FHAD1: variants seen among roughly 807,000 people sequenced by gnomAD.
FHAD1 encodes forkhead associated phosphopeptide binding domain 1.
A neutral mutation model predicts 191.3 loss-of-function variants in FHAD1; 146 were observed. That is an observed-to-expected ratio of 0.76 (90% confidence interval 0.67 to 0.88). The LOEUF (loss-of-function observed/expected upper bound fraction) is 0.88, where lower values mean the gene tolerates loss of function less well. Among genes scored for constraint, FHAD1 ranks in the 40% least tolerant of loss-of-function variants. FHAD1 has a pLI of 0.00. For synonymous variants in FHAD1, 616 were observed against 672.3 expected (o/e 0.92, Z 1.29); for missense variants, 1,635 against 1,785.8 (o/e 0.92, Z 1.52).
At chr1:15,280,132 A>C (rs1363358226) in intron 3 of FHAD1, among the ~76,000 whole-genome samples, 1 of 152,126 alleles carries the variant, frequency 6.6e-6, no homozygotes, top group Non-Finnish European at 1.5e-5. Context: ...TCCCATCTTC[A>C]TGGGACCGTT....
chr1:15,339,218 C>T (rs1302191452), intron 14 of FHAD1, among the ~76,000 whole-genome samples: 3 of 152,072 alleles, frequency 2.0e-5, no homozygotes, highest in East Asian at 1.9e-4. Context: ...GGTTTTATCA[C>T]GCTGGCCAGC....
At chr1:15,264,697 T>G (rs1384369225) in intron 2 of FHAD1, among the ~76,000 whole-genome samples, 3 of 152,182 alleles carry the variant, frequency 2.0e-5, no homozygotes, top group Non-Finnish European at 2.9e-5. Flanking sequence ...TGACTAGGAC[T>G]TCCAGTACTA....
intron 12 of FHAD1, 59 bp from the exon 13 acceptor site, chr1:15,328,218 C>T: frequency 1.5e-6 from 2 of 1,344,470 alleles, no homozygotes; most frequent in Non-Finnish European, 2.0e-6. Context: ...TCCCTCAGGG[C>T]CCCCCACCCC....
chr1:15,336,477 G>T (rs993828813), intron 14 of FHAD1, among the ~76,000 whole-genome samples: 15 of 151,970 alleles, frequency 9.9e-5, no homozygotes, highest in African/African-American at 3.4e-4. Flanking sequence ...CACGTACCCT[G>T]CCCTGTCTCC....
intron 33 of FHAD1, among the ~76,000 whole-genome samples, chr1:15,395,095 T>C (rs950025011): frequency 3.3e-5 from 5 of 151,972 alleles, no homozygotes; most frequent in African/African-American, 4.8e-5. Flanking sequence ...GGGCGGATCA[T>C]GAGGTCAGGA....
intron 4 of FHAD1, among the ~76,000 whole-genome samples, chr1:15,295,030 A>C (rs1666462015): frequency 6.6e-6 from 1 of 152,210 alleles, no homozygotes; most frequent in African/African-American, 2.4e-5. Context: ...TGGAATAATG[A>C]TGAGATTGTT....
chr1:15,238,004 A>G (rs962794384), intron 1 of FHAD1, among the ~76,000 whole-genome samples: 1 of 151,940 alleles, frequency 6.6e-6, no homozygotes, highest in African/African-American at 2.4e-5. Flanking sequence ...TAATCCCAGC[A>G]CTTTGGGAGG....
At chr1:15,314,016 C>T (rs1022741662) in intron 8 of FHAD1, among the ~76,000 whole-genome samples, 3 of 151,546 alleles carry the variant, frequency 2.0e-5, no homozygotes, top group Non-Finnish European at 4.4e-5. Flanking sequence ...GCTGAGATCG[C>T]GCCATTGCAC....
chr1:15,345,413 C>G lies in FHAD1; in HGVS notation c.2239-3C>G, dbSNP rs1553286393. ...GTCTATTGAACAATGATCGTTGACT[C>G]AGGCTTTGGCGAAAAGCATTACCCA... On this transcript the variant is annotated splice_region_variant and splice_polypyrimidine_tract_variant and intron_variant, in intron 17 of 33. Coordinates refer to ENST00000688493, the MANE Select transcript of FHAD1 (RefSeq NM_001391957.1). 6.4e-7 allele frequency: 1 copy of G among 1,551,858 alleles called. No individual in the cohort carries two copies. The highest frequency in any genetic ancestry group is 1.2e-5 in the South Asian group (1 of 84,046).
chr1:15,329,737 C>A lies in FHAD1; in HGVS notation c.1906+196C>A. The A allele has an allele frequency of 1.6e-5, 8 of 504,038 alleles. No individual in the cohort carries two copies. Among genetic ancestry groups the A allele is most frequent in the Middle Eastern group, 2.9e-4 (1 of 3,454 alleles). The allele number at this position is 504,038 out of a possible 1,614,324, so 31.2% of individuals were successfully genotyped here. ...AAAACACACACATACAAGTGAGACA[C>A]GATAACTGAAGAAAAATGAAACAAA... On this transcript the variant is annotated intron_variant, in intron 14 of 33. Coordinates refer to ENST00000688493, the MANE Select transcript of FHAD1 (RefSeq NM_001391957.1). This position sits in a 1 kb window ranked among gnomAD's most constrained non-coding sequence, Gnocchi z 5.0.
At chr1:15,324,691 A>C (rs1347321414) in intron 11 of FHAD1, 132 bp downstream of exon 11, 759 of 673,014 alleles carry the variant, frequency 1.1e-3, no homozygotes, top group Middle Eastern at 2.3e-3. Flanking sequence ...CATTTATCTC[A>C]TGAGCAGAGG....
intron 21 of FHAD1, among the ~76,000 whole-genome samples, chr1:15,358,580 C>T (rs979845014): frequency 6.6e-6 from 1 of 152,184 alleles, no homozygotes; most frequent in Non-Finnish European, 1.5e-5. Context: ...TGGTTTAGAA[C>T]GAAATGTACA....
At chr1:15,298,047 A>G (rs1425508472) in intron 5 of FHAD1, among the ~76,000 whole-genome samples, 3 of 152,150 alleles carry the variant, frequency 2.0e-5, no homozygotes, top group Non-Finnish European at 4.4e-5. Flanking sequence ...CAGAGGAAAA[A>G]CAGTCATTAT....
chr1:15,352,810 G>A lies in FHAD1; in HGVS notation c.2455-67G>A. 2.4e-6 allele frequency: 3 copies of A among 1,231,628 alleles called. No individual in the cohort carries two copies. In the Admixed American group the frequency reaches 6.3e-5, roughly 26 times the overall value. The allele number at this position is 1,231,628 out of a possible 1,614,324, so 76.3% of individuals were successfully genotyped here. On this transcript the variant is annotated intron_variant, in intron 19 of 33. Coordinates refer to ENST00000688493, the MANE Select transcript of FHAD1 (RefSeq NM_001391957.1). Reference sequence around the variant, plus strand: ...GTGGCTTCCACGGTGACTCGTCCTGGTTTCCCTTTCCAGTGTCATTTCCCT... The same window carrying A: ...GTGGCTTCCACGGTGACTCGTCCTGATTTCCCTTTCCAGTGTCATTTCCCT...
At chr1:15,270,941 C>T (rs1355748802) in intron 2 of FHAD1, among the ~76,000 whole-genome samples, 1 of 151,920 alleles carries the variant, frequency 6.6e-6, no homozygotes, top group East Asian at 1.9e-4. Context: ...AGATGGAGAC[C>T]ATCCTGGCTA....
At chr1:15,303,187 C>G (rs75206589) in intron 6 of FHAD1, among the ~76,000 whole-genome samples, 7,338 of 152,256 alleles carry the variant, frequency 0.048, 198 homozygotes, top group Non-Finnish European at 0.051. Flanking sequence ...GAGTAGACAA[C>G]AAAACAGACA....
At chr1:15,262,734 A>G (rs942730830) in intron 2 of FHAD1, among the ~76,000 whole-genome samples, 2 of 152,204 alleles carry the variant, frequency 1.3e-5, no homozygotes, top group Admixed American at 6.5e-5. Context: ...CCATTTGGCT[A>G]CTGTGAATAA....
chr1:15,386,918 C>T (rs757724177), intron 31 of FHAD1, among the ~76,000 whole-genome samples: 3 of 150,188 alleles, frequency 2.0e-5, no homozygotes, highest in Non-Finnish European at 3.0e-5. Context: ...GCTGGAGTGC[C>T]GTGGCACAAT....
chr1:15,256,237 C>G (rs1038759807), intron 2 of FHAD1, among the ~76,000 whole-genome samples: 2 of 152,154 alleles, frequency 1.3e-5, no homozygotes, highest in Non-Finnish European at 2.9e-5. Context: ...TTTTCATGTG[C>G]ATGAGTGTGA....
Sources: allele counts gnomAD v4.1 joint callset (sites outside exome capture counted in the v4.1 genomes callset), GRCh38; gene constraint gnomAD v4.1.1; non-coding constraint Gnocchi (gnomAD v3.1); transcripts MANE v1.5; gene names NCBI Gene and HGNC (gene_info 2026-07-23, HGNC 2026-07-21).